Variants in AAMDC observed in about 807,000 individuals in gnomAD.
AAMDC encodes the protein mth938 domain-containing protein.
In AAMDC, 16 loss-of-function variants were observed where a neutral mutation model predicts 15.5. The ratio of observed to expected loss-of-function variants is 1.03; its 90% CI spans 0.70 to 1.57. AAMDC has a LOEUF of 1.57. Ranked by LOEUF, AAMDC falls within the 40% of genes most tolerant of loss-of-function variation. The pLI is 0.00. For synonymous variants in AAMDC, 51 were observed against 51.6 expected (o/e 0.99, Z 0.05); for missense variants, 141 against 144.9 (o/e 0.97, Z 0.14).
chr11:77,830,185 A>C lies in AAMDC; in HGVS notation c.-19+8944A>C, dbSNP rs1378707322. On this transcript the variant is annotated intron_variant, in intron 1 of 3. Coordinates refer to ENST00000393427, the MANE Select transcript of AAMDC (RefSeq NM_024684.4). ...CAACCTACAAAATAGGAAAAAATAC[A>C]TCCAGTAAGAGATTCATCTAGAATA... The C allele has an allele frequency of 6.6e-5, 10 of 152,370 alleles. No homozygotes were observed. In the East Asian group the frequency reaches 1.5e-3, roughly 24 times the overall value. 9.4% of individuals were successfully genotyped at this position (152,370 alleles called of 1,614,324 possible).
chr11:77,823,451 C>T (rs558535817), intron 1 of AAMDC, among the ~76,000 whole-genome samples: 32 of 151,436 alleles, frequency 2.1e-4, no homozygotes, highest in African/African-American at 7.3e-4. Context: ...ATAATCTGGG[C>T]GAGGTGGGGT....
chr11:77,842,614 G>A lies in AAMDC; in HGVS notation c.118G>A (p.Glu40Lys). Reference sequence around the variant, plus strand: ...GGGTAGTCGGACTTGGGATTGGAGAGAAACAGGAACTGAGGTAAGATATTA... The same window carrying A: ...GGGTAGTCGGACTTGGGATTGGAGAAAAACAGGAACTGAGGTAAGATATTA... The part of the protein sequence containing the change: ...PGGSRTWDWR[E>K]TGTEHSPGVQ... Residue 40 changes from glutamate (E) to lysine (K), a missense_variant, in exon 2 of 4, where the codon GAA (glutamate) becomes AAA (lysine). Glu to Lys is a moderately conservative substitution (Grantham distance 56). Coordinates refer to ENST00000393427, the MANE Select transcript of AAMDC (RefSeq NM_024684.4). 2 of 1,613,868 alleles carry A rather than the reference G, an allele frequency of 1.2e-6. No homozygotes were observed. The highest frequency in any genetic ancestry group is 1.7e-6 in the Non-Finnish European group (2 of 1,179,900).
At chr11:77,825,388 A>G (rs780765896) in intron 1 of AAMDC, among the ~76,000 whole-genome samples, 1 of 152,208 alleles carries the variant, frequency 6.6e-6, no homozygotes, top group Non-Finnish European at 1.5e-5. Flanking sequence ...TGAGCAAATT[A>G]GGTTTATCTA....
intron 1 of AAMDC, among the ~76,000 whole-genome samples, chr11:77,833,669 C>T: frequency 6.6e-6 from 1 of 152,158 alleles, no homozygotes; most frequent in East Asian, 1.9e-4. Context: ...ATCACTATTC[C>T]CACTAATATC....
intron 2 of AAMDC, among the ~76,000 whole-genome samples, chr11:77,860,810 C>T (rs1235823405): frequency 1.3e-5 from 2 of 152,184 alleles, no homozygotes; most frequent in Non-Finnish European, 2.9e-5. Flanking sequence ...AACCACTCTA[C>T]TTCCTCTGGT....
At position 77,872,163 on chromosome 11, in the gene AAMDC, C is replaced by T; in HGVS notation, c.229-12C>T. ...TTCCCCCTACTTACTCATCTCTTTT[C>T]CACCTTCCCAGGTGCCTTCATCAAC... is the stretch of plus-strand genomic sequence containing the variant. On this transcript the variant is annotated splice_polypyrimidine_tract_variant and intron_variant, in intron 3 of 3. Transcript: ENST00000393427. 1 of 1,609,674 alleles carries T rather than the reference C, an allele frequency of 6.2e-7. No individual in the cohort carries two copies. Among genetic ancestry groups the T allele is most frequent in the South Asian group, 1.1e-5 (1 of 90,202 alleles).
chr11:77,852,305 A>G (rs1216356549), intron 2 of AAMDC, among the ~76,000 whole-genome samples: 15 of 151,788 alleles, frequency 9.9e-5, no homozygotes, highest in Non-Finnish European at 1.5e-5. Flanking sequence ...GATCATTTTT[A>G]ATGTTGTCAA....
downstream of AAMDC, among the ~76,000 whole-genome samples, chr11:77,875,702 G>C (rs1158874300): frequency 6.6e-6 from 1 of 152,154 alleles, no homozygotes; most frequent in Non-Finnish European, 1.5e-5. Flanking sequence ...ATATAGTATA[G>C]GAGGCTGTGG....
intron 5 of AAMDC, among the ~76,000 whole-genome samples, chr11:77,897,556 A>G (rs985931216): frequency 6.6e-6 from 1 of 151,366 alleles, no homozygotes; most frequent in African/African-American, 2.4e-5. Flanking sequence ...GCTGGAGTGC[A>G]GTGGTGGGAT....
At chr11:77,883,896 C>G in intron 5 of AAMDC, 1 of 1,613,074 alleles carries the variant, frequency 6.2e-7, no homozygotes, top group Non-Finnish European at 8.5e-7. Flanking sequence ...GGCCAGGATT[C>G]CGGAAGTCTG....
At chr11:77,891,496 G>A in intron 5 of AAMDC, 1 of 1,611,808 alleles carries the variant, frequency 6.2e-7, no homozygotes, top group Non-Finnish European at 8.5e-7. Flanking sequence ...TGATTTTAAA[G>A]CCAGGTCATT....
At chr11:77,872,472 C>A, downstream of AAMDC, 1 of 836,332 alleles carries the variant, frequency 1.2e-6, no homozygotes, top group East Asian at 3.0e-5. Context: ...GACAAGGTCC[C>A]TGTCCTTGAG....
intron 5 of AAMDC, among the ~76,000 whole-genome samples, chr11:77,897,420 GAT>G (rs1565230284): frequency 6.6e-6 from 1 of 151,136 alleles, no homozygotes; most frequent in Non-Finnish European, 1.5e-5. Flanking sequence ...AACTTTAAAA[GAT>G]TATATTTATA....
chr11:77,838,733 C>T (rs1949802474), intron 1 of AAMDC, among the ~76,000 whole-genome samples: 2 of 151,834 alleles, frequency 1.3e-5, no homozygotes, highest in African/African-American at 4.8e-5. Flanking sequence ...TCTCCTGCCT[C>T]AGCCTCTCGA....
At chr11:77,888,996 C>T (rs1463825029) in intron 5 of AAMDC, among the ~76,000 whole-genome samples, 1 of 152,180 alleles carries the variant, frequency 6.6e-6, no homozygotes, top group South Asian at 2.1e-4. Context: ...ACTAGTTCAA[C>T]CATTGTGGAT....
At chr11:77,832,626 A>G (rs1385780361) in intron 1 of AAMDC, among the ~76,000 whole-genome samples, 3 of 151,990 alleles carry the variant, frequency 2.0e-5, no homozygotes, top group African/African-American at 4.8e-5. Flanking sequence ...GCGCCTGGCC[A>G]TAGAGGAACT....
chr11:77,821,550 G>A (rs905373090), intron 1 of AAMDC, among the ~76,000 whole-genome samples: 3 of 152,132 alleles, frequency 2.0e-5, no homozygotes, highest in Admixed American at 2.0e-4. Context: ...GGGCCCTGCT[G>A]GGAGAAGAGG....
intron 5 of AAMDC, among the ~76,000 whole-genome samples, chr11:77,880,505 A>G (rs1951751202): frequency 6.6e-6 from 1 of 152,206 alleles, no homozygotes; most frequent in Admixed American, 6.5e-5. Flanking sequence ...AACTGTCATG[A>G]AACTAACACT....
intron 5 of AAMDC, among the ~76,000 whole-genome samples, chr11:77,885,533 G>A (rs1951967860): frequency 6.6e-6 from 1 of 151,984 alleles, no homozygotes; most frequent in African/African-American, 2.4e-5. Flanking sequence ...AAAATGAAGG[G>A]GAGGGCCGGG....
Sources: allele counts gnomAD v4.1 joint callset (sites outside exome capture counted in the v4.1 genomes callset), GRCh38; gene constraint gnomAD v4.1.1; transcripts MANE v1.5; gene names NCBI Gene and HGNC (gene_info 2026-07-23, HGNC 2026-07-21).